The following OPCML variants were observed in gnomAD, a reference collection of about 807,000 sequenced individuals.
OPCML encodes opioid-binding protein/cell adhesion molecule.
A neutral mutation model predicts 37.8 loss-of-function variants in OPCML; 13 were observed. The observed-to-expected ratio is 0.34, with a 90% CI of 0.22 to 0.55. The LOEUF is 0.55. Ranked by LOEUF, OPCML falls within the 20% of genes least tolerant of loss-of-function variation. The pLI, the probability that OPCML is intolerant of heterozygous loss-of-function variation, is 0.91. For missense variants in OPCML, 341 were observed against 435.6 expected, an observed-to-expected ratio of 0.78 and a Z score of 1.93; for synonymous variants, 176 against 168.8, an observed-to-expected ratio of 1.04 and a Z score of -0.33.
intron 1 of OPCML, among the ~76,000 whole-genome samples, chr11:133,286,496 G>GAAAT (rs1942305045): frequency 1.4e-5 from 2 of 137,936 alleles, no homozygotes; most frequent in African/African-American, 5.5e-5. Flanking sequence ...AAAAAAAAAG[G>GAAAT]ACTCACCTAA....
chr11:133,255,274 G>A (rs976165962), intron 1 of OPCML, among the ~76,000 whole-genome samples: 1 of 152,204 alleles, frequency 6.6e-6, no homozygotes, highest in Admixed American at 6.5e-5. Context: ...CAGTCCTGCT[G>A]TCTGGAGAGA....
chr11:133,501,457 AG>A (rs1212081743), intron 1 of OPCML, among the ~76,000 whole-genome samples: 1 of 152,256 alleles, frequency 6.6e-6, no homozygotes, highest in Non-Finnish European at 1.5e-5. Flanking sequence ...TAAATGAAGT[AG>A]GTACCCAACA....
chr11:132,428,244 T>C (rs1208180493), intron 7 of OPCML, among the ~76,000 whole-genome samples: 1 of 152,194 alleles, frequency 6.6e-6, no homozygotes, highest in East Asian at 1.9e-4. Flanking sequence ...TTGGCTTCCC[T>C]GAGGGGAGGG....
chr11:132,599,349 A>G (rs962522099), intron 3 of OPCML, among the ~76,000 whole-genome samples: 1 of 146,776 alleles, frequency 6.8e-6, no homozygotes, highest in Non-Finnish European at 1.5e-5. Flanking sequence ...AGGAGGAGGA[A>G]GAAGGAGGAG....
At chr11:133,430,666 T>G (rs907399905) in intron 1 of OPCML, among the ~76,000 whole-genome samples, 6 of 152,182 alleles carry the variant, frequency 3.9e-5, no homozygotes, top group African/African-American at 1.4e-4. Flanking sequence ...GTCCAATGCA[T>G]TTAGAGAAAA....
chr11:133,383,398 A>T (rs952777047), intron 1 of OPCML, among the ~76,000 whole-genome samples: 1 of 152,200 alleles, frequency 6.6e-6, no homozygotes. Context: ...GCCCAAGGCC[A>T]TACAGCTGGT....
chr11:133,417,503 C>T (rs1945794148), intron 1 of OPCML, among the ~76,000 whole-genome samples: 1 of 148,980 alleles, frequency 6.7e-6, no homozygotes, highest in East Asian at 2.1e-4. Flanking sequence ...TATTATTATA[C>T]TTTAAGTTCT....
rs555366437 is a variant in OPCML, at chr11:132,458,998, A to C, written c.506-21639T>G. On this transcript the variant is annotated intron_variant, in intron 4 of 7. Coordinates refer to ENST00000524381, the MANE Select transcript of OPCML (RefSeq NM_001012393.5). ...TAGTTTCTTAAAGCTTAATTTCAGA[A>C]TCTGAGACCATGTCAATGAATGTTT... 3.9e-5 allele frequency among the ~76,000 whole-genome samples: 6 copies of C among 152,356 alleles called. No homozygotes were observed. In the South Asian group the frequency reaches 1.2e-3, roughly 32 times the overall value.
chr11:133,383,958 C>T (rs1944984949), intron 1 of OPCML, among the ~76,000 whole-genome samples: 1 of 152,058 alleles, frequency 6.6e-6, no homozygotes, highest in African/African-American at 2.4e-5. Context: ...TACACGGACT[C>T]CTCTCCCTAC....
intron 3 of OPCML, among the ~76,000 whole-genome samples, chr11:132,656,616 T>G (rs1026236233): frequency 6.6e-6 from 1 of 152,158 alleles, no homozygotes; most frequent in Non-Finnish European, 1.5e-5. Context: ...AGGGAGGACC[T>G]GCCTAAACAG....
chr11:133,290,903 A>T (rs1039411786), intron 1 of OPCML, among the ~76,000 whole-genome samples: 1 of 152,086 alleles, frequency 6.6e-6, no homozygotes, highest in Admixed American at 6.5e-5. Context: ...TTACATTGTT[A>T]CTCTCCCAGG....
intron 4 of OPCML, among the ~76,000 whole-genome samples, chr11:132,479,715 C>A (rs892347478): frequency 1.1e-4 from 17 of 152,166 alleles, no homozygotes; most frequent in Non-Finnish European, 2.4e-4. Context: ...GGGTCCCTGA[C>A]CCCTGACCCC....
chr11:132,479,456 C>G (rs2512719), intron 4 of OPCML, among the ~76,000 whole-genome samples: 69,950 of 152,056 alleles, frequency 0.46, 16,511 homozygotes, highest in East Asian at 0.75. Context: ...GAAGGGGCGC[C>G]CACCATTGCC....
At chr11:133,363,256 A>C (rs1443335962) in intron 1 of OPCML, among the ~76,000 whole-genome samples, 2 of 152,148 alleles carry the variant, frequency 1.3e-5, no homozygotes, top group Admixed American at 1.3e-4. Context: ...AGCGCTTCCT[A>C]CACGTGCCGT....
chr11:132,650,711 G>A (rs572278898), intron 3 of OPCML, among the ~76,000 whole-genome samples: 3 of 152,156 alleles, frequency 2.0e-5, no homozygotes, highest in African/African-American at 2.4e-5. Context: ...GGAGAGGAAC[G>A]TCTTGGAGAT....
At chr11:132,829,602 G>A (rs917000907) in intron 2 of OPCML, among the ~76,000 whole-genome samples, 1 of 152,192 alleles carries the variant, frequency 6.6e-6, no homozygotes, top group Non-Finnish European at 1.5e-5. Context: ...AAAAGATCAT[G>A]CTTCTAAATC....
chr11:132,647,822 T>C (rs1308056384), intron 3 of OPCML, among the ~76,000 whole-genome samples: 15 of 152,180 alleles, frequency 9.9e-5, no homozygotes, highest in Admixed American at 9.8e-4. Context: ...ATAACCATTG[T>C]TTATAATTAC....
intron 1 of OPCML, among the ~76,000 whole-genome samples, chr11:133,531,749 G>GAGAGAC (rs2120777754): frequency 6.8e-6 from 1 of 147,442 alleles, no homozygotes; most frequent in East Asian, 2.0e-4. Flanking sequence ...GAGAGGGAGA[G>GAGAGAC]AGAGAGAGAG....
intron 2 of OPCML, among the ~76,000 whole-genome samples, chr11:132,896,762 G>A (rs1417115705): frequency 4.6e-5 from 7 of 152,180 alleles, no homozygotes; most frequent in Admixed American, 2.0e-4. Context: ...AAACTACTGT[G>A]GACTTATGGG....
Sources: gnomAD v4.1 joint callset for allele counts (sites outside exome capture counted in the v4.1 genomes callset) on GRCh38, gnomAD v4.1.1 for gene constraint, MANE v1.5 for transcripts, NCBI Gene and HGNC (gene_info 2026-07-23, HGNC 2026-07-21) for gene names.